The following PDXDC1 variants were observed in gnomAD, a reference collection of about 807,000 sequenced individuals.
PDXDC1 encodes pyridoxal dependent decarboxylase domain containing 1.
In PDXDC1, 42 loss-of-function variants were observed where a neutral mutation model predicts 100.1. The ratio of observed to expected loss-of-function variants is 0.42; its 90% confidence interval spans 0.33 to 0.54. PDXDC1 has a LOEUF of 0.54. Among genes scored for constraint, PDXDC1 ranks in the 20% least tolerant of loss-of-function variants. The probability of loss-of-function intolerance (pLI) is 0.10; values close to 1 mark genes in which losing one functional copy is unlikely to be tolerated. For synonymous variants in PDXDC1, 260 were observed against 371.7 expected, an observed-to-expected ratio of 0.70 and a Z score of 3.46; for missense variants, 636 against 979.2, an observed-to-expected ratio of 0.65 and a Z score of 4.68.
intron 16 of PDXDC1, chr16:15,056,011 G>GC (rs930992804): frequency 3.0e-5 from 33 of 1,113,894 alleles, no homozygotes; most frequent in Admixed American, 1.4e-4. Context: ...GGAGGCGGCG[G>GC]CCCCCCGCTT....
intron 16 of PDXDC1, among the ~76,000 whole-genome samples, chr16:15,101,810 G>C (rs1232850135): frequency 6.6e-6 from 1 of 150,536 alleles, no homozygotes; most frequent in Non-Finnish European, 1.5e-5. Context: ...CAAGTAGCTA[G>C]GACTATAGGC....
chr16:15,061,688 G>A (rs901824414), intron 16 of PDXDC1: 8 of 1,541,274 alleles, frequency 5.2e-6, no homozygotes, highest in Admixed American at 1.7e-5. Flanking sequence ...GGTGCTGAGG[G>A]CATGACAAGT....
At chr16:14,992,188 G>A (rs1971001068) in intron 1 of PDXDC1, among the ~76,000 whole-genome samples, 1 of 152,286 alleles carries the variant, frequency 6.6e-6, no homozygotes, top group Non-Finnish European at 1.5e-5. Flanking sequence ...AACCAACATT[G>A]TCAAGCAACA....
rs770527533 is a variant in PDXDC1 at position 15,104,485 on chromosome 16, TTGAGATTA to T, written c.1400-34392_1400-34385del. The T allele has an allele frequency of 2.2e-6, 3 of 1,387,486 alleles. No individual in the cohort carries two copies. In the African/African-American group the frequency reaches 5.6e-5, roughly 26 times the overall value. The allele number at this position is 1,387,486 out of a possible 1,614,324, so 85.9% of individuals were successfully genotyped here. ...TGAGCAGACACACTCGGGAGGTGTC[TTGAGATTA>T]TCATCCGCTGAGGGTGGAGCTGAGG... is the stretch of plus-strand genomic sequence containing the variant. On this transcript the variant is annotated intron_variant, in intron 16 of 16. Transcript: ENST00000535621.
chr16:15,092,603 A>G, intron 16 of PDXDC1: 1 of 1,606,312 alleles, frequency 6.2e-7, no homozygotes, highest in Non-Finnish European at 8.5e-7. Flanking sequence ...TAATGCACGC[A>G]TATTTGAAAT....
At chr16:15,080,015 T>A (rs1304332513) in intron 16 of PDXDC1, 1 of 1,597,556 alleles carries the variant, frequency 6.3e-7, no homozygotes, top group Non-Finnish European at 8.5e-7. Flanking sequence ...TTGAGTAGTT[T>A]TTCAATAATA....
At chr16:15,043,079 T>C (rs963568869), downstream of PDXDC1, among the ~76,000 whole-genome samples, 6 of 152,280 alleles carry the variant, frequency 3.9e-5, no homozygotes, top group Middle Eastern at 6.8e-3. Flanking sequence ...TTTGTATTTT[T>C]AGTAGAGACG....
At chr16:15,096,737 C>A (rs867328619) in intron 16 of PDXDC1, among the ~76,000 whole-genome samples, 1 of 152,266 alleles carries the variant, frequency 6.6e-6, no homozygotes, top group South Asian at 2.1e-4. Context: ...AGTTAGAGCG[C>A]AATGGCGCGA....
At chr16:14,986,144 G>A (rs1190307501) in intron 1 of PDXDC1, among the ~76,000 whole-genome samples, 4 of 152,244 alleles carry the variant, frequency 2.6e-5, no homozygotes, top group African/African-American at 4.8e-5. Context: ...GGTATGAATA[G>A]TAGGGCTTGT....
chr16:14,995,426 T>C (rs1215816477), intron 1 of PDXDC1, among the ~76,000 whole-genome samples: 1 of 152,298 alleles, frequency 6.6e-6, no homozygotes, highest in Non-Finnish European at 1.5e-5. Context: ...TGGTTCTGTT[T>C]ATATGCTGGA....
intron 16 of PDXDC1, among the ~76,000 whole-genome samples, chr16:15,100,427 C>T (rs2046500475): frequency 6.6e-6 from 1 of 152,102 alleles, no homozygotes; most frequent in African/African-American, 2.4e-5. Context: ...TTAGAGCGTT[C>T]CTCATCCCAG....
chr16:15,055,969 C>G, intron 16 of PDXDC1: 4 of 1,224,096 alleles, frequency 3.3e-6, no homozygotes, highest in Non-Finnish European at 4.1e-6. Flanking sequence ...CGAGCAGCGG[C>G]ATCGCGGAGG....
chr16:15,083,974 C>T (rs1883202774), intron 16 of PDXDC1, among the ~76,000 whole-genome samples: 1 of 152,220 alleles, frequency 6.6e-6, no homozygotes, highest in African/African-American at 2.4e-5. Context: ...CCTCGGCCTC[C>T]CAAAGTGCTG....
At chr16:15,011,634 T>TC (rs1358347198) in intron 8 of PDXDC1, among the ~76,000 whole-genome samples, 7 of 112,280 alleles carry the variant, frequency 6.2e-5, no homozygotes, top group East Asian at 1.0e-3. Context: ...TTTTTTTCTT[T>TC]TTTTTTTTTT....
At chr16:15,038,854 G>A (rs1210044199), downstream of PDXDC1, among the ~76,000 whole-genome samples, 2 of 152,202 alleles carry the variant, frequency 1.3e-5, no homozygotes, top group African/African-American at 2.4e-5. Context: ...CGTCCAGTGT[G>A]TCTGCTTCTG....
intron 4 of PDXDC1, among the ~76,000 whole-genome samples, chr16:15,002,098 A>G (rs1973291722): frequency 6.6e-6 from 1 of 152,276 alleles, no homozygotes; most frequent in Admixed American, 6.5e-5. Flanking sequence ...CGCTGGCAGA[A>G]GGACTGAAGA....
chr16:15,131,111 G>C (rs779322469), intron 16 of PDXDC1: 3 of 1,606,836 alleles, frequency 1.9e-6, no homozygotes, highest in Non-Finnish European at 1.7e-6. Context: ...TAGTTGAGCT[G>C]CAGATGCAGC....
intron 22 of PDXDC1, 49 bp from the exon 23 acceptor site, chr16:15,035,967 A>C: frequency 6.4e-7 from 1 of 1,553,426 alleles, no homozygotes; most frequent in Non-Finnish European, 8.7e-7. Context: ...CCTGTGTTGC[A>C]GAAGTATCCT....
At chr16:15,040,281 G>C, downstream of PDXDC1, 1 of 427,186 alleles carries the variant, frequency 2.3e-6, no homozygotes, top group Non-Finnish European at 4.1e-6. Flanking sequence ...TGGACTCGGT[G>C]AGATTTTGTT....
Sources: allele counts gnomAD v4.1 joint callset (sites outside exome capture counted in the v4.1 genomes callset), GRCh38; gene constraint gnomAD v4.1.1; transcripts MANE v1.5; gene names NCBI Gene and HGNC (gene_info 2026-07-23, HGNC 2026-07-21).